The following BDNF variants were observed in gnomAD, a reference collection of about 807,000 sequenced individuals.
BDNF encodes neurotrophic factor BDNF precursor form.
BDNF carries 1 observed loss-of-function variant against 19.5 expected under a neutral mutation model. That is an observed-to-expected ratio of 0.05 (90% CI 0.02 to 0.24). BDNF has a LOEUF of 0.24. BDNF is among the 10% of genes least tolerant of loss of function. BDNF has a pLI of 1.00. For missense variants in BDNF, 195 were observed against 317.6 expected (o/e 0.61, Z 2.93); for synonymous variants, 100 against 121.6 (o/e 0.82, Z 1.17).
rs867278299 is a variant in BDNF at position 27,675,013 on chromosome 11, G to A, written c.-21-16428C>T. On this transcript the variant is annotated intron_variant, in intron 1 of 1. Coordinates refer to ENST00000356660, the MANE Select transcript of BDNF (RefSeq NM_001709.5). The stretch of plus-strand genomic sequence containing the variant: ...AGGAAACTGAGGCCCAGAGAGTTTC[G>A]GTGGATTCCCTAAGATCACATACCC... The A allele has an allele frequency of 1.4e-4, 90 of 665,478 alleles. No homozygotes were observed. The Middle Eastern group carries it at 7.8e-3, about 58-fold the overall frequency. 41.2% of individuals were successfully genotyped at this position (665,478 alleles called of 1,614,324 possible).
At chr11:27,673,597 A>C (rs1855695463) in intron 1 of BDNF, among the ~76,000 whole-genome samples, 1 of 152,216 alleles carries the variant, frequency 6.6e-6, no homozygotes, top group South Asian at 2.1e-4. Flanking sequence ...CCAGTGCTGC[A>C]TAACCACACT....
rs961769612 is a variant in BDNF, at chr11:27,682,408, TATA to T, written c.-22+17753_-22+17755del. On this transcript the variant is annotated intron_variant, in intron 1 of 1. Coordinates refer to ENST00000356660, the MANE Select transcript of BDNF (RefSeq NM_001709.5). ...ATTGTATTTCTTTTATTATTATTAT[TATA>T]ATAATAATAATAATACTTTTAAGTT... is the stretch of plus-strand genomic sequence containing the variant. 3.5e-4 allele frequency among the ~76,000 whole-genome samples: 52 copies of T among 150,586 alleles called. 1 individual carries two copies. Among genetic ancestry groups the T allele is most frequent in the African/African-American group, 6.6e-4 (27 of 41,142 alleles).
chr11:27,717,583 T>A (rs1860563738), intron 1 of BDNF, among the ~76,000 whole-genome samples: 1 of 152,204 alleles, frequency 6.6e-6, no homozygotes, highest in African/African-American at 2.4e-5. Context: ...TACAGAAATA[T>A]TAATATGCAA....
intron 1 of BDNF, among the ~76,000 whole-genome samples, chr11:27,718,637 T>A (rs1860623310): frequency 6.8e-6 from 1 of 147,976 alleles, no homozygotes; most frequent in Non-Finnish European, 1.5e-5. Flanking sequence ...GAACAATCTG[T>A]GCCCCATTCG....
chr11:27,676,166 A>G (rs907151357), intron 1 of BDNF: 2 of 152,120 alleles, frequency 1.3e-5, no homozygotes, highest in African/African-American at 4.8e-5. Flanking sequence ...GAAAATGTCT[A>G]TTTGTCAATG....
At chr11:27,667,733 A>G (rs557890393) in intron 1 of BDNF, among the ~76,000 whole-genome samples, 2 of 152,356 alleles carry the variant, frequency 1.3e-5, no homozygotes, top group East Asian at 3.9e-4. Context: ...CTAAAAATAT[A>G]TGCACCTAAT....
At chr11:27,717,578 A>T (rs1860563451) in intron 1 of BDNF, among the ~76,000 whole-genome samples, 1 of 152,202 alleles carries the variant, frequency 6.6e-6, no homozygotes, top group South Asian at 2.1e-4. Context: ...TCACATACAG[A>T]AATATTAATA....
Position 27,700,151 on chromosome 11 carries a change from A to G in BDNF, c.-22+13T>C, listed in dbSNP as rs2134084086. ...AGCTCCTGCACCAAGCCCCATTCCC[A>G]GCGCTTGCCTACCTCGGGGTCCACA... On this transcript the variant is annotated intron_variant, in intron 1 of 1. Coordinates refer to ENST00000356660, the MANE Select transcript of BDNF (RefSeq NM_001709.5). 1.0e-6 allele frequency: 1 copy of G among 985,682 alleles called. No individual in the cohort carries two copies. Among genetic ancestry groups the G allele is most frequent in the Non-Finnish European group, 1.2e-6 (1 of 830,234 alleles). 61.1% of individuals were successfully genotyped at this position (985,682 alleles called of 1,614,324 possible). A position where few individuals can be genotyped will look rare whatever the true frequency, so the allele number is the denominator to read the frequency against.
rs763694071 is a variant in BDNF at position 27,674,167 on chromosome 11, G to A, written c.-21-15582C>T. 5.0e-6 allele frequency: 8 copies of A among 1,610,314 alleles called. No homozygotes were observed. In the East Asian group the frequency reaches 1.8e-4, roughly 36 times the overall value. On this transcript the variant is annotated intron_variant, in intron 1 of 1. Transcript: ENST00000356660. ...GCACAGTCATGCCATACAGAAGCGT[G>A]TGGGTAGACGCCAAAACATGTGTGG...
At chr11:27,712,239 G>A (rs1860355331) in intron 1 of BDNF, among the ~76,000 whole-genome samples, 1 of 152,200 alleles carries the variant, frequency 6.6e-6, no homozygotes, top group Admixed American at 6.5e-5. Flanking sequence ...TGTTAAATAT[G>A]TGTGGGAAAT....
At chr11:27,696,916 G>C (rs1194624160) in intron 1 of BDNF, among the ~76,000 whole-genome samples, 1 of 152,142 alleles carries the variant, frequency 6.6e-6, no homozygotes, top group Non-Finnish European at 1.5e-5. Flanking sequence ...CACTCTCTAT[G>C]CTGTCTGTTT....
chr11:27,674,250 G>C (rs1855795619), intron 1 of BDNF: 1 of 1,580,972 alleles, frequency 6.3e-7, no homozygotes, highest in Non-Finnish European at 8.6e-7. Context: ...GATTAACCTT[G>C]TGCACTCATG....
At chr11:27,707,834 T>A (rs1860170562) in intron 1 of BDNF, among the ~76,000 whole-genome samples, 1 of 152,160 alleles carries the variant, frequency 6.6e-6, no homozygotes, top group Non-Finnish European at 1.5e-5. Context: ...ACAGTAGTCA[T>A]GACCTGGGAA....
chr11:27,720,913 T>A (rs1860722293), intron 1 of BDNF: 1 of 360,090 alleles, frequency 2.8e-6, no homozygotes. Context: ...TTACCGGTGA[T>A]ATGCACTTCT....
At chr11:27,700,891 T>A, upstream of BDNF, 2 of 1,305,200 alleles carry the variant, frequency 1.5e-6, no homozygotes, top group Non-Finnish European at 2.0e-6. Flanking sequence ...CTCCCCTAGC[T>A]TTCAACTCTC....
At chr11:27,706,072 T>C (rs2134097704) in intron 1 of BDNF, among the ~76,000 whole-genome samples, 1 of 152,166 alleles carries the variant, frequency 6.6e-6, no homozygotes, top group East Asian at 1.9e-4. Flanking sequence ...GGGGTGGTAG[T>C]GATGGACAAG....
intron 1 of BDNF, among the ~76,000 whole-genome samples, chr11:27,668,519 C>T (rs1368579023): frequency 2.0e-5 from 3 of 151,694 alleles, no homozygotes; most frequent in Non-Finnish European, 4.4e-5. Flanking sequence ...ACTAGCAAGA[C>T]TAATAAAGAA....
chr11:27,716,458 C>CACACAG (rs1244199244), intron 1 of BDNF, among the ~76,000 whole-genome samples: 335 of 124,208 alleles, frequency 2.7e-3, no homozygotes, highest in African/African-American at 8.0e-3. Context: ...CACACACAGA[C>CACACAG]ACACACACAC....
intron 1 of BDNF, chr11:27,665,465 G>C (rs1323921465): frequency 6.6e-6 from 1 of 152,228 alleles, no homozygotes; most frequent in Non-Finnish European, 1.5e-5. Flanking sequence ...AAGCAGGGTG[G>C]GGCATCACCT....
Sources: gnomAD v4.1 joint callset for allele counts (sites outside exome capture counted in the v4.1 genomes callset) on GRCh38, gnomAD v4.1.1 for gene constraint, MANE v1.5 for transcripts, NCBI Gene and HGNC (gene_info 2026-07-23, HGNC 2026-07-21) for gene names.